Variants in KIF5C observed in about 807,000 individuals in gnomAD.
The protein encoded by KIF5C is kinesin heavy chain isoform 5C.
Under a neutral mutation model 125.2 loss-of-function variants are expected in KIF5C, and 18 were observed. The ratio of observed to expected loss-of-function variants is 0.14; its 90% confidence interval spans 0.10 to 0.21. The LOEUF is 0.21. KIF5C is among the 10% of genes least tolerant of loss of function. KIF5C has a pLI of 1.00. For synonymous variants in KIF5C, 405 were observed against 434.0 expected (o/e 0.93, Z 0.83); for missense variants, 780 against 1,183.8 (o/e 0.66, Z 5.01).
At chr2:149,010,415 G>A (rs1422879591) in intron 24 of KIF5C, 64 bp downstream of exon 24, 1 of 1,478,974 alleles carries the variant, frequency 6.8e-7, no homozygotes, top group Non-Finnish European at 9.0e-7. Context: ...GCTCAGATTT[G>A]CTAAAAGGTG....
chr2:148,973,542 C>G (rs1242595176), intron 12 of KIF5C, 31 bp downstream of exon 12: 2 of 1,573,202 alleles, frequency 1.3e-6, no homozygotes, highest in Non-Finnish European at 1.7e-6. Flanking sequence ...AGTTCTCATT[C>G]TGCTACAAAG....
intron 4 of KIF5C, among the ~76,000 whole-genome samples, chr2:148,941,156 T>G (rs1429233885): frequency 6.6e-6 from 1 of 152,204 alleles, no homozygotes; most frequent in Non-Finnish European, 1.5e-5. Flanking sequence ...CTCAGTTACC[T>G]TTCTGAGCTC....
Position 148,896,791 on chromosome 2 carries a change from AT to A in KIF5C, c.126+21051del, listed in dbSNP as rs1164433841. On this transcript the variant is annotated intron_variant, in intron 1 of 25. Coordinates refer to ENST00000435030, the MANE Select transcript of KIF5C (RefSeq NM_004522.3). ...GTTTTTAGTAGAGCAGCAGTTTTCC[AT>A]TTGTTTTTGACTATGAGATCATGAT... is the stretch of plus-strand genomic sequence containing the variant. Among the ~76,000 whole-genome samples the A allele has an allele frequency of 3.3e-5, 5 of 151,680 alleles. No individual in the cohort carries two copies. The East Asian group carries it at 9.7e-4, about 29-fold the overall frequency.
At chr2:148,943,558 C>G (rs2105105453) in intron 7 of KIF5C, among the ~76,000 whole-genome samples, 2 of 152,268 alleles carry the variant, frequency 1.3e-5, no homozygotes, top group Middle Eastern at 6.8e-3. Flanking sequence ...GGTGCTGACA[C>G]TAAGAAAGAG....
rs1048536038 is a variant in KIF5C at position 148,876,955 on chromosome 2, C to T, written c.126+1212C>T. Among the ~76,000 whole-genome samples the T allele has an allele frequency of 6.6e-6, 1 of 152,244 alleles. No homozygotes were observed. Among genetic ancestry groups the T allele is most frequent in the African/African-American group, 2.4e-5 (1 of 41,454 alleles). On this transcript the variant is annotated intron_variant, in intron 1 of 25. Transcript: ENST00000435030. The surrounding 1 kb of genome is among the most constrained non-coding windows in gnomAD (Gnocchi z 4.7). ...AGCATGCTCCGACTAACCCCCTCCT[C>T]CCCTTCCTCCAGTGGCTGGTGTATT...
intron 15 of KIF5C, among the ~76,000 whole-genome samples, chr2:148,988,153 G>A (rs902786879): frequency 1.4e-5 from 2 of 147,248 alleles, no homozygotes; most frequent in South Asian, 4.2e-4. Flanking sequence ...GCAGCAAACT[G>A]ATTTTTTTTT....
chr2:149,005,836 T>C (rs776026857), intron 22 of KIF5C, among the ~76,000 whole-genome samples: 1 of 152,196 alleles, frequency 6.6e-6, no homozygotes, highest in African/African-American at 2.4e-5. Flanking sequence ...GAGCCTCTTA[T>C]TTGTTTGTTA....
chr2:148,968,377 G>A (rs1472042980), intron 11 of KIF5C, among the ~76,000 whole-genome samples: 1 of 152,184 alleles, frequency 6.6e-6, no homozygotes, highest in Admixed American at 6.5e-5. Flanking sequence ...CTGATTTGGG[G>A]CTTTGTGGAA....
chr2:148,989,501 C>T (rs1475605206), intron 15 of KIF5C, among the ~76,000 whole-genome samples: 1 of 152,176 alleles, frequency 6.6e-6, no homozygotes, highest in African/African-American at 2.4e-5. Context: ...GGTAGATACC[C>T]AGTAGTGGGA....
chr2:149,000,315 C>A, intron 19 of KIF5C, 108 bp from the exon 20 acceptor site: 1 of 1,338,542 alleles, frequency 7.5e-7, no homozygotes, highest in South Asian at 1.7e-5. Context: ...AGAATTACTG[C>A]CTTTATTGTA....
At chr2:148,960,867 A>G (rs760255963) in intron 10 of KIF5C, among the ~76,000 whole-genome samples, 4 of 152,236 alleles carry the variant, frequency 2.6e-5, no homozygotes, top group South Asian at 4.1e-4. Context: ...AGGATATCAC[A>G]TATTTTTTAA....
At chr2:148,893,455 A>C (rs1445331851) in intron 1 of KIF5C, among the ~76,000 whole-genome samples, 8 of 152,142 alleles carry the variant, frequency 5.3e-5, no homozygotes, top group African/African-American at 1.9e-4. Context: ...TGCCTTTCTC[A>C]AACCTAACTA....
At chr2:148,929,220 A>G (rs1321383505) in intron 2 of KIF5C, 61 bp from the exon 3 acceptor site, 1 of 1,032,514 alleles carries the variant, frequency 9.7e-7, no homozygotes, top group East Asian at 2.6e-5. Context: ...AAAATATGCA[A>G]CCTACACCAG....
At chr2:148,875,802 C>G in intron 1 of KIF5C, 59 bp downstream of exon 1, 1 of 1,551,766 alleles carries the variant, frequency 6.4e-7, no homozygotes, top group South Asian at 1.2e-5. Context: ...GGCGCCCCGA[C>G]GCCCCAGACG....
chr2:148,978,787 T>C, intron 12 of KIF5C, 135 bp from the exon 13 acceptor site: 1 of 1,219,492 alleles, frequency 8.2e-7, no homozygotes, highest in African/African-American at 1.6e-5. Context: ...GGAATCTGTC[T>C]GTTTTCTGTG....
chr2:149,019,767 T>G (rs1682476977), intron 25 of KIF5C, among the ~76,000 whole-genome samples: 1 of 152,250 alleles, frequency 6.6e-6, no homozygotes, highest in Non-Finnish European at 1.5e-5. Flanking sequence ...TGGATTAAGC[T>G]TAAATCCACT....
At chr2:148,943,389 G>A (rs9711882) in intron 7 of KIF5C, among the ~76,000 whole-genome samples, 20,276 of 152,034 alleles carry the variant, frequency 0.13, 2,050 homozygotes, top group African/African-American at 0.27. Context: ...GAGGATCCGT[G>A]AAAAAAGACA....
intron 3 of KIF5C, among the ~76,000 whole-genome samples, chr2:148,936,536 G>A (rs933919646): frequency 6.6e-6 from 1 of 152,162 alleles, no homozygotes; most frequent in Non-Finnish European, 1.5e-5. Context: ...ATCTTCAGGG[G>A]TGGCAAATTC....
At chr2:149,005,880 A>G (rs537913446) in intron 22 of KIF5C, among the ~76,000 whole-genome samples, 1 of 152,338 alleles carries the variant, frequency 6.6e-6, no homozygotes, top group South Asian at 2.1e-4. Context: ...GAGTTTATAA[A>G]GCACGTCAAC....
Sources: gnomAD v4.1 joint callset for allele counts (sites outside exome capture counted in the v4.1 genomes callset) on GRCh38, gnomAD v4.1.1 for gene constraint, Gnocchi (gnomAD v3.1) non-coding constraint, MANE v1.5 for transcripts, NCBI Gene and HGNC (gene_info 2026-07-23, HGNC 2026-07-21) for gene names.